WDR72: variants seen among roughly 807,000 people sequenced by gnomAD.
The protein encoded by WDR72 is WD repeat-containing protein 72.
A neutral mutation model predicts 124.2 loss-of-function variants in WDR72; 120 were observed. The observed-to-expected ratio is 0.97, with a 90% CI of 0.83 to 1.12. WDR72 has a LOEUF of 1.12. WDR72 is among the 50% of genes most tolerant of loss of function. The pLI is 0.00. For missense variants in WDR72, 1,387 were observed against 1,278.8 expected (o/e 1.08, Z -1.29); for synonymous variants, 452 against 441.7 (o/e 1.02, Z -0.29).
At chr15:53,632,348 G>T (rs1278051648) in intron 14 of WDR72, among the ~76,000 whole-genome samples, 1 of 152,094 alleles carries the variant, frequency 6.6e-6, no homozygotes, top group Non-Finnish European at 1.5e-5. Flanking sequence ...TGTGCAGAAT[G>T]CAAGAGTTGA....
At chr15:53,743,751 T>C (rs940628830) in intron 1 of WDR72, among the ~76,000 whole-genome samples, 1 of 151,870 alleles carries the variant, frequency 6.6e-6, no homozygotes, top group Non-Finnish European at 1.5e-5. Context: ...CCGAGATGGG[T>C]GGATCACAAG....
chr15:53,569,734 T>C (rs763377718), intron 18 of WDR72, among the ~76,000 whole-genome samples: 3 of 152,068 alleles, frequency 2.0e-5, no homozygotes, highest in Non-Finnish European at 4.4e-5. Flanking sequence ...TTTGCTGTCA[T>C]GAGAGTAATG....
intron 18 of WDR72, among the ~76,000 whole-genome samples, chr15:53,528,812 C>T (rs186428530): frequency 2.3e-4 from 35 of 152,078 alleles, no homozygotes; most frequent in Admixed American, 5.9e-4. Flanking sequence ...GTATCAATTG[C>T]TTACGGAATC....
At chr15:53,671,764 T>C (rs2015996481) in intron 13 of WDR72, among the ~76,000 whole-genome samples, 2 of 152,162 alleles carry the variant, frequency 1.3e-5, no homozygotes, top group South Asian at 4.1e-4. Context: ...AACTTGTAAT[T>C]GGAGACAGCG....
chr15:53,681,996 C>T (rs2016405151), intron 13 of WDR72, among the ~76,000 whole-genome samples: 1 of 152,040 alleles, frequency 6.6e-6, no homozygotes, highest in Non-Finnish European at 1.5e-5. Flanking sequence ...GGTAATTCTT[C>T]CAATGTTTAT....
intron 19 of WDR72, 57 bp downstream of exon 19, chr15:53,523,161 C>G: frequency 6.5e-7 from 1 of 1,548,904 alleles, no homozygotes; most frequent in South Asian, 1.1e-5. Context: ...TTCCAAGGAC[C>G]CCAAAGCTGT....
At chr15:53,539,295 G>A (rs531909448) in intron 18 of WDR72, among the ~76,000 whole-genome samples, 1 of 152,114 alleles carries the variant, frequency 6.6e-6, no homozygotes, top group African/African-American at 2.4e-5. Context: ...CAGAATAAGA[G>A]GTAAGCACTA....
In WDR72 at chr15:53,601,197, A is replaced by G. The variant is rs533646993; in HGVS notation, c.2953-3923T>C. Reference sequence around the variant, plus strand: ...CCTGCATGCCAGAAGAGATTGGGGGACAATATTCAAAATTCTTAAATAAAA... The same window carrying G: ...CCTGCATGCCAGAAGAGATTGGGGGGCAATATTCAAAATTCTTAAATAAAA... On this transcript the variant is annotated intron_variant, in intron 17 of 19. Transcript: ENST00000360509. Among the ~76,000 whole-genome samples the G allele has an allele frequency of 2.0e-5, 3 of 152,232 alleles. No homozygotes were observed. In the South Asian group the frequency reaches 6.2e-4, roughly 32 times the overall value.
At chr15:53,759,943 G>A (rs986660365), upstream of WDR72, among the ~76,000 whole-genome samples, 26 of 151,918 alleles carry the variant, frequency 1.7e-4, no homozygotes, top group African/African-American at 5.8e-4. Flanking sequence ...AATTAGTTAG[G>A]GGGGGTTAGA....
chr15:53,664,868 A>T (rs1210734143), intron 14 of WDR72, among the ~76,000 whole-genome samples: 3 of 152,212 alleles, frequency 2.0e-5, no homozygotes, highest in African/African-American at 7.2e-5. Flanking sequence ...AATACCATGA[A>T]AATATGTTTA....
intron 19 of WDR72, among the ~76,000 whole-genome samples, chr15:53,519,709 C>T (rs1052846671): frequency 1.3e-5 from 2 of 152,034 alleles, no homozygotes; most frequent in Non-Finnish European, 2.9e-5. Context: ...ACTCCAGGCA[C>T]TCACCTGGGT....
At chr15:53,657,334 C>G (rs2015465895) in intron 14 of WDR72, among the ~76,000 whole-genome samples, 1 of 141,126 alleles carries the variant, frequency 7.1e-6, no homozygotes, top group Non-Finnish European at 1.5e-5. Flanking sequence ...TCTAAATAAG[C>G]TAAATAGTTT....
intron 18 of WDR72, among the ~76,000 whole-genome samples, chr15:53,578,411 C>T (rs769368651): frequency 7.9e-5 from 12 of 152,128 alleles, no homozygotes; most frequent in South Asian, 2.1e-4. Flanking sequence ...AGACTCTCCA[C>T]GGCTGCCCTT....
chr15:53,515,008 C>CATATATATAT lies in WDR72; in HGVS notation c.*2681_*2690dup, dbSNP rs201133545. The stretch of plus-strand genomic sequence containing the variant: ...TATGATATTCCTTTGGGGGATATGC[C>CATATATATAT]ATATATATATATATATACACACATA... On this transcript the variant is annotated 3_prime_UTR_variant, in exon 20 of 20. Transcript: ENST00000360509. The CATATATATAT allele has an allele frequency of 1.5e-3, 100 of 65,342 alleles. 2 individuals are homozygous for CATATATATAT. The highest frequency in any genetic ancestry group is 6.8e-3 in the Middle Eastern group (1 of 146). The allele number at this position is 65,342 out of a possible 1,614,324, so 4.0% of individuals were successfully genotyped here.
At chr15:53,566,109 G>C (rs1398648127) in intron 18 of WDR72, among the ~76,000 whole-genome samples, 1 of 151,974 alleles carries the variant, frequency 6.6e-6, no homozygotes, top group Non-Finnish European at 1.5e-5. Context: ...CAGATTTTCT[G>C]CTAAGCACTT....
chr15:53,748,623 T>C (rs1334739268), intron 1 of WDR72, among the ~76,000 whole-genome samples: 1 of 152,118 alleles, frequency 6.6e-6, no homozygotes, highest in African/African-American at 2.4e-5. Flanking sequence ...ATCCCAGCAC[T>C]CTTAGTTGAT....
intron 3 of WDR72, among the ~76,000 whole-genome samples, chr15:53,721,378 A>T (rs1166124822): frequency 6.6e-6 from 1 of 152,188 alleles, no homozygotes; most frequent in Non-Finnish European, 1.5e-5. Flanking sequence ...TGTATTTCTC[A>T]ATTTTTTCAT....
At chr15:53,563,362 T>C (rs1429204720) in intron 18 of WDR72, among the ~76,000 whole-genome samples, 1 of 151,862 alleles carries the variant, frequency 6.6e-6, no homozygotes, top group Non-Finnish European at 1.5e-5. Context: ...TAATTTCATC[T>C]TTCACTTACG....
At chr15:53,714,535 A>G in intron 5 of WDR72, 25 bp from the exon 6 acceptor site, 2 of 1,574,238 alleles carry the variant, frequency 1.3e-6, no homozygotes, top group Non-Finnish European at 8.7e-7. Flanking sequence ...AAAGTCACAT[A>G]TAAGCTTACC....
Sources: gnomAD v4.1 joint callset for allele counts (sites outside exome capture counted in the v4.1 genomes callset) on GRCh38, gnomAD v4.1.1 for gene constraint, MANE v1.5 for transcripts, NCBI Gene and HGNC (gene_info 2026-07-23, HGNC 2026-07-21) for gene names.